The following L3MBTL2 variants were observed in gnomAD, a reference collection of about 807,000 sequenced individuals.
L3MBTL2 encodes lethal(3)malignant brain tumor-like protein 2.
A neutral mutation model predicts 86.4 loss-of-function variants in L3MBTL2; 49 were observed. The observed-to-expected ratio is 0.57, with a 90% confidence interval of 0.45 to 0.72. The LOEUF (loss-of-function observed/expected upper bound fraction) is 0.72, where lower values mean the gene tolerates loss of function less well. L3MBTL2 is among the 30% of genes least tolerant of loss of function. The pLI, the probability that L3MBTL2 is intolerant of heterozygous loss-of-function variation, is 0.00. For synonymous variants in L3MBTL2, 336 were observed against 350.6 expected, an observed-to-expected ratio of 0.96 and a Z score of 0.47; for missense variants, 755 against 923.7, an observed-to-expected ratio of 0.82 and a Z score of 2.37.
Position 41,209,858 on chromosome 22 carries a change from G to A in L3MBTL2, c.187G>A (p.Glu63Lys), listed in dbSNP as rs2030570930. ...EAENEDREAG[E>K]LPTSPLHLLS... ...AGAAAATGAGGATCGGGAAGCAGGG[G>A]AACTGCCGACCTCCCCGCTGCATTT... The change falls in exon 2 of 17, where the codon GAA becomes AAA. Residue 63 changes from glutamate (E) to lysine (K), a missense_variant. Transcript: ENST00000216237. 1.9e-6 allele frequency: 3 copies of A among 1,614,166 alleles called. No individual in the cohort carries two copies. The highest frequency in any genetic ancestry group is 2.5e-6 in the Non-Finnish European group (3 of 1,180,034).
intron 6 of L3MBTL2, among the ~76,000 whole-genome samples, chr22:41,220,196 A>C (rs1206592239): frequency 6.6e-6 from 1 of 152,184 alleles, no homozygotes; most frequent in African/African-American, 2.4e-5. Context: ...AAAAATGAAA[A>C]AATTTAAAAA....
chr22:41,225,325 G>A lies in L3MBTL2; in HGVS notation c.1356+254G>A, dbSNP rs921166129. ...CTGAGCCTGGTCCTGTGTCAGAGTA[G>A]GCCCCTCCCTGTCACCTCACTGGGG... On this transcript the variant is annotated intron_variant, in intron 11 of 16. Coordinates refer to ENST00000216237, the MANE Select transcript of L3MBTL2 (RefSeq NM_031488.5). This position sits in a 1 kb window ranked among gnomAD's most constrained non-coding sequence, Gnocchi z 4.1. Among the ~76,000 whole-genome samples, 1 of 152,162 alleles carries A rather than the reference G, an allele frequency of 6.6e-6. No individual in the cohort carries two copies. The highest frequency in any genetic ancestry group is 1.5e-5 in the Non-Finnish European group (1 of 68,028).
intron 12 of L3MBTL2, among the ~76,000 whole-genome samples, 172 bp downstream of exon 12, chr22:41,226,113 C>T (rs992261783): frequency 2.0e-5 from 3 of 152,144 alleles, no homozygotes; most frequent in Admixed American, 1.3e-4. Flanking sequence ...CTCGTCTCTA[C>T]TAAAAATACA....
chr22:41,211,778 C>G (rs1193154775), intron 2 of L3MBTL2, among the ~76,000 whole-genome samples: 1 of 145,662 alleles, frequency 6.9e-6, no homozygotes, highest in Admixed American at 7.0e-5. Flanking sequence ...AGGATGGTCT[C>G]GATCTCCTGA....
intron 2 of L3MBTL2, among the ~76,000 whole-genome samples, chr22:41,211,236 T>C (rs1415716310): frequency 6.6e-6 from 1 of 152,196 alleles, no homozygotes; most frequent in African/African-American, 2.4e-5. Context: ...GGTCTCACTC[T>C]GTCACCCTGG....
At chr22:41,219,238 C>T (rs770788137) in intron 5 of L3MBTL2, 181 bp from the exon 6 acceptor site, 64 of 527,538 alleles carry the variant, frequency 1.2e-4, no homozygotes, top group Admixed American at 6.4e-4. Flanking sequence ...CCTCTACTCC[C>T]GGCTTAGCTC....
chr22:41,217,399 G>T, intron 5 of L3MBTL2, 197 bp downstream of exon 5: 1 of 574,488 alleles, frequency 1.7e-6, no homozygotes. Flanking sequence ...TCACCTGCTT[G>T]GCTTCACTCC....
chr22:41,228,460 C>T (rs528791483), intron 15 of L3MBTL2: 13 of 985,422 alleles, frequency 1.3e-5, no homozygotes, highest in Admixed American at 6.1e-5. Flanking sequence ...CCTTCAGAGC[C>T]GCAGGCCTAT....
rs550238277 is a variant in L3MBTL2, at chr22:41,231,191, A to AG, written c.*942dup. 77 of 152,328 alleles carry AG rather than the reference A, an allele frequency of 5.1e-4. No homozygotes were observed. Among genetic ancestry groups the AG allele is most frequent in the African/African-American group, 1.7e-3 (69 of 41,578 alleles). The allele number at this position is 152,328 out of a possible 1,614,324, so 9.4% of individuals were successfully genotyped here. A position where few individuals can be genotyped will look rare whatever the true frequency, so the allele number is the denominator to read the frequency against. ...CTCAAGACAAGGATGACAGAGCTGG[A>AG]GGACACATCTAGCTGCCATTGCAAC... On this transcript the variant is annotated 3_prime_UTR_variant, in exon 17 of 17. Coordinates refer to ENST00000216237, the MANE Select transcript of L3MBTL2 (RefSeq NM_031488.5).
Position 41,220,882 on chromosome 22 carries a change from A to AAC in L3MBTL2, c.853+16_853+17dup, listed in dbSNP as rs757528723. On this transcript the variant is annotated intron_variant, in intron 7 of 16. Transcript: ENST00000216237. ...TGCCCCCACGGAGTGAGTTGATGAG[A>AAC]ACATTTCCTCTCTTGTTCCCGTAGG... The AAC allele has an allele frequency of 6.2e-7, 1 of 1,608,154 alleles. No individual in the cohort carries two copies. Among genetic ancestry groups the AAC allele is most frequent in the South Asian group, 1.1e-5 (1 of 90,930 alleles).
At chr22:41,218,220 A>C (rs1485384016) in intron 5 of L3MBTL2, 1 of 152,252 alleles carries the variant, frequency 6.6e-6, no homozygotes, top group Non-Finnish European at 1.5e-5. Flanking sequence ...GAGAATAAAA[A>C]AGGTGAATTT....
chr22:41,206,281 C>G (rs1301863461), intron 1 of L3MBTL2, among the ~76,000 whole-genome samples: 1 of 151,958 alleles, frequency 6.6e-6, no homozygotes, highest in Non-Finnish European at 1.5e-5. Flanking sequence ...AGCCACTGCA[C>G]CCCGCCTCAT....
chr22:41,205,491 G>T, intron 1 of L3MBTL2, 105 bp downstream of exon 1: 2 of 1,339,516 alleles, frequency 1.5e-6, no homozygotes, highest in Non-Finnish European at 1.1e-6. Flanking sequence ...GTGGAGGGTG[G>T]GAGGATGGAT....
Position 41,219,502 on chromosome 22 carries a change from G to C in L3MBTL2, c.684G>C (p.Arg228=). ...VLNSDAVLPS[R]VYWIASVIQT... Reference sequence around the variant, plus strand: ...ACAGTGATGCTGTGCTCCCCAGCCGGGTGTACTGGATCGCCTCTGTCATCC... The same window carrying C: ...ACAGTGATGCTGTGCTCCCCAGCCGCGTGTACTGGATCGCCTCTGTCATCC... Residue 228 remains arginine, a synonymous_variant, in exon 6 of 17, where the codon CGG becomes CGC. Transcript: ENST00000216237. 6.2e-7 allele frequency: 1 copy of C among 1,613,858 alleles called. No individual in the cohort carries two copies. The highest frequency in any genetic ancestry group is 8.5e-7 in the Non-Finnish European group (1 of 1,179,806).
intron 12 of L3MBTL2, among the ~76,000 whole-genome samples, 171 bp downstream of exon 12, chr22:41,226,112 AC>A (rs1279169727): frequency 2.0e-5 from 3 of 152,192 alleles, no homozygotes; most frequent in Admixed American, 1.3e-4. Context: ...CCTCGTCTCT[AC>A]TAAAAATACA....
At position 41,227,482 on chromosome 22, in the gene L3MBTL2, C is replaced by G. The variant is rs1048947412; in HGVS notation, c.1822+159C>G. On this transcript the variant is annotated intron_variant, in intron 14 of 16. Transcript: ENST00000216237. This position sits in a 1 kb window ranked among gnomAD's most constrained non-coding sequence, Gnocchi z 6.0. The stretch of plus-strand genomic sequence containing the variant: ...TGAGCCCCGTCACCCAGCCCCTGCT[C>G]CTGACTTCTCTGTCTCCCTTTCCCT... The G allele has an allele frequency of 8.0e-7, 1 of 1,247,996 alleles. No homozygotes were observed. The highest frequency in any genetic ancestry group is 1.1e-6 in the Non-Finnish European group (1 of 872,566). 77.3% of individuals were successfully genotyped at this position (1,247,996 alleles called of 1,614,324 possible).
At chr22:41,226,627 C>G in intron 12 of L3MBTL2, 35 bp from the exon 13 acceptor site, 4 of 1,478,278 alleles carry the variant, frequency 2.7e-6, no homozygotes, top group Non-Finnish European at 3.8e-6. Context: ...CTGCTTCCCC[C>G]TCTCCCTCTG....
intron 4 of L3MBTL2, 178 bp from the exon 5 acceptor site, chr22:41,216,944 TC>T (rs2145586255): frequency 1.7e-6 from 1 of 580,604 alleles, no homozygotes; most frequent in South Asian, 2.1e-5. Flanking sequence ...CAGTGGTCCC[TC>T]ATGGCCACTG....
In L3MBTL2 at chr22:41,230,479, C is replaced by A. The variant is rs867725742; in HGVS notation, c.*228C>A. On this transcript the variant is annotated 3_prime_UTR_variant, in exon 17 of 17. Coordinates refer to ENST00000216237, the MANE Select transcript of L3MBTL2 (RefSeq NM_031488.5). Reference sequence around the variant, plus strand: ...GTCTATATGACGGGCCGCCTGAGGCCCCAGAACTCGTCTGTGAACCACCTT... The same window carrying A: ...GTCTATATGACGGGCCGCCTGAGGCACCAGAACTCGTCTGTGAACCACCTT... 62 of 513,024 alleles carry A rather than the reference C, an allele frequency of 1.2e-4. No individual in the cohort carries two copies. In the Middle Eastern group the frequency reaches 4.1e-3, roughly 34 times the overall value. 31.8% of individuals were successfully genotyped at this position (513,024 alleles called of 1,614,324 possible).
Sources: allele counts gnomAD v4.1 joint callset (sites outside exome capture counted in the v4.1 genomes callset), GRCh38; gene constraint gnomAD v4.1.1; non-coding constraint Gnocchi (gnomAD v3.1); transcripts MANE v1.5; gene names NCBI Gene and HGNC (gene_info 2026-07-23, HGNC 2026-07-21).